DLG2: variants seen among roughly 807,000 people sequenced by gnomAD.
The protein encoded by DLG2 is discs large MAGUK scaffold protein 2.
Under a neutral mutation model 132.5 loss-of-function variants are expected in DLG2, and 45 were observed. That is an observed-to-expected ratio of 0.34 (90% CI 0.27 to 0.44). The LOEUF is 0.44. Ranked by LOEUF, DLG2 falls within the 20% of genes least tolerant of loss-of-function variation. DLG2 has a pLI of 1.00. For missense variants in DLG2, 1,045 were observed against 1,196.9 expected (o/e 0.87, Z 1.87); for synonymous variants, 424 against 419.6 (o/e 1.01, Z -0.13).
intron 26 of DLG2, 131 bp from the exon 27 acceptor site, chr11:83,462,224 C>G (rs1320991848): frequency 2.7e-5 from 17 of 627,074 alleles, no homozygotes; most frequent in Non-Finnish European, 4.8e-5. Flanking sequence ...AGTCTTCATT[C>G]AGGACTCCTC....
At chr11:84,714,611 T>TCTCTCTCTC (rs2060930685) in intron 6 of DLG2, among the ~76,000 whole-genome samples, 1 of 93,524 alleles carries the variant, frequency 1.1e-5, no homozygotes, top group Admixed American at 1.0e-4. Context: ...CTCTTTCTCT[T>TCTCTCTCTC]TCTCTTTCTC....
At chr11:83,861,973 A>G (rs775086223) in intron 16 of DLG2, among the ~76,000 whole-genome samples, 2 of 152,206 alleles carry the variant, frequency 1.3e-5, no homozygotes, top group Non-Finnish European at 2.9e-5. Context: ...GTATCAAAAC[A>G]TCTCATGTAC....
chr11:84,900,328 T>A (rs1036459109), intron 6 of DLG2, among the ~76,000 whole-genome samples: 3 of 152,072 alleles, frequency 2.0e-5, no homozygotes, highest in African/African-American at 7.2e-5. Context: ...GCAAATTAAT[T>A]AGGTAATATA....
intron 22 of DLG2, among the ~76,000 whole-genome samples, chr11:83,473,124 T>C (rs1314177928): frequency 6.6e-6 from 1 of 152,176 alleles, no homozygotes; most frequent in Non-Finnish European, 1.5e-5. Flanking sequence ...AAGGGTCCAA[T>C]TCAATAGATG....
intron 21 of DLG2, among the ~76,000 whole-genome samples, chr11:83,488,827 C>T (rs1178830437): frequency 6.6e-6 from 1 of 151,882 alleles, no homozygotes; most frequent in African/African-American, 2.4e-5. Context: ...ACATTTGGGC[C>T]ACTACTTTGT....
At chr11:84,143,562 G>T (rs1320777220) in intron 9 of DLG2, among the ~76,000 whole-genome samples, 1 of 152,220 alleles carries the variant, frequency 6.6e-6, no homozygotes, top group South Asian at 2.1e-4. Flanking sequence ...TCAAACAATA[G>T]ATAATTTGAG....
intron 7 of DLG2, among the ~76,000 whole-genome samples, chr11:84,475,086 C>T (rs956289825): frequency 1.3e-5 from 2 of 152,104 alleles, no homozygotes; most frequent in Admixed American, 6.6e-5. Context: ...AATATAGAAG[C>T]ATGAGCTGAT....
chr11:85,034,006 G>T (rs2154145984), intron 6 of DLG2, among the ~76,000 whole-genome samples: 1 of 152,128 alleles, frequency 6.6e-6, no homozygotes, highest in South Asian at 2.1e-4. Flanking sequence ...GGACTTTGGG[G>T]GTTCACTGTT....
chr11:83,639,304 T>A (rs983331512), intron 18 of DLG2, among the ~76,000 whole-genome samples: 6 of 152,142 alleles, frequency 3.9e-5, no homozygotes, highest in Non-Finnish European at 8.8e-5. Flanking sequence ...GGGAACAGGG[T>A]TAGAAACTCT....
chr11:84,284,329 T>C (rs1025639105), intron 7 of DLG2, among the ~76,000 whole-genome samples: 1 of 152,236 alleles, frequency 6.6e-6, no homozygotes, highest in African/African-American at 2.4e-5. Context: ...CATGGCAAAA[T>C]GGCAAATGCC....
chr11:84,510,772 T>C (rs1344919721), intron 7 of DLG2, among the ~76,000 whole-genome samples: 3 of 152,178 alleles, frequency 2.0e-5, no homozygotes, highest in African/African-American at 2.4e-5. Flanking sequence ...ATAATGGGAA[T>C]TGTATTGAGT....
chr11:84,393,212 C>T (rs1254355997), intron 7 of DLG2, among the ~76,000 whole-genome samples: 3 of 151,976 alleles, frequency 2.0e-5, no homozygotes, highest in Non-Finnish European at 4.4e-5. Context: ...AAAGAAATAA[C>T]ACAAAACATG....
intron 5 of DLG2, among the ~76,000 whole-genome samples, chr11:85,119,000 A>C (rs1429626335): frequency 6.6e-6 from 1 of 151,788 alleles, no homozygotes; most frequent in African/African-American, 2.4e-5. Context: ...TTAATTGGGG[A>C]TCTTTCTCCT....
At chr11:85,348,943 A>C (rs1357418277) in intron 3 of DLG2, among the ~76,000 whole-genome samples, 1 of 152,150 alleles carries the variant, frequency 6.6e-6, no homozygotes, top group Non-Finnish European at 1.5e-5. Context: ...CCCTGTTTAA[A>C]AATCATTGAG....
intron 7 of DLG2, among the ~76,000 whole-genome samples, chr11:84,344,041 T>C (rs1387285325): frequency 1.3e-5 from 2 of 152,182 alleles, no homozygotes; most frequent in South Asian, 2.1e-4. Flanking sequence ...AATTGAAAGA[T>C]CCCTACTTTA....
chr11:83,820,085 A>G (rs1220169322), intron 17 of DLG2, among the ~76,000 whole-genome samples: 1 of 152,158 alleles, frequency 6.6e-6, no homozygotes, highest in Non-Finnish European at 1.5e-5. Context: ...TAGTATGAAA[A>G]CTGGGCAAAA....
chr11:85,518,036 C>T (rs985094745), intron 3 of DLG2, among the ~76,000 whole-genome samples: 2 of 152,172 alleles, frequency 1.3e-5, no homozygotes, highest in African/African-American at 4.8e-5. Flanking sequence ...CCATGTGGAA[C>T]TGTAAGTCCA....
chr11:85,363,903 A>T (rs1437241706), intron 3 of DLG2, among the ~76,000 whole-genome samples: 4 of 152,210 alleles, frequency 2.6e-5, no homozygotes. Flanking sequence ...TGACAGCATC[A>T]TTTCTCATAT....
At chr11:83,601,810 A>G (rs561972625) in intron 19 of DLG2, among the ~76,000 whole-genome samples, 1 of 152,186 alleles carries the variant, frequency 6.6e-6, no homozygotes, top group South Asian at 2.1e-4. Context: ...GGCGTGAGGC[A>G]CAGGGCTCAG....
Sources: allele counts gnomAD v4.1 joint callset (sites outside exome capture counted in the v4.1 genomes callset), GRCh38; gene constraint gnomAD v4.1.1; transcripts MANE v1.5; gene names NCBI Gene and HGNC (gene_info 2026-07-23, HGNC 2026-07-21).